OXTR: variants seen among roughly 807,000 people sequenced by gnomAD.
OXTR encodes oxytocin receptor.
A neutral mutation model predicts 23.9 loss-of-function variants in OXTR; 19 were observed. The ratio of observed to expected loss-of-function variants is 0.80; its 90% CI spans 0.56 to 1.17. The LOEUF is 1.17. Ranked by LOEUF, OXTR falls within the 50% of genes most tolerant of loss-of-function variation. The pLI is 0.00. For missense variants in OXTR, 500 were observed against 550.7 expected, an observed-to-expected ratio of 0.91 and a Z score of 0.92; for synonymous variants, 278 against 250.5, an observed-to-expected ratio of 1.11 and a Z score of -1.04.
chr3:8,748,478 G>A (rs17297971), downstream of OXTR, among the ~76,000 whole-genome samples: 25,184 of 152,114 alleles, frequency 0.17, 2,440 homozygotes, highest in Non-Finnish European at 0.23. Context: ...CATCTGTGCC[G>A]TAATCAGGCC....
Position 8,752,006 on chromosome 3 carries a change from T to C in OXTR, c.*971A>G, listed in dbSNP as rs1383301078. On this transcript the variant is annotated 3_prime_UTR_variant, in exon 4 of 4. Coordinates refer to ENST00000316793, the MANE Select transcript of OXTR (RefSeq NM_000916.4). ...CTGATCCATGAACACAGGATGTCTT[T>C]CCATTTATTTAAGCCTTCTTTAATT... 3 of 152,234 alleles carry C rather than the reference T, an allele frequency of 2.0e-5. No homozygotes were observed. Among genetic ancestry groups the C allele is most frequent in the Non-Finnish European group, 4.4e-5 (3 of 68,034 alleles). The allele number at this position is 152,234 out of a possible 1,614,324, so 9.4% of individuals were successfully genotyped here. A position where few individuals can be genotyped will look rare whatever the true frequency, so the allele number is the denominator to read the frequency against.
At chr3:8,743,688 C>A in the OXTR span, among the ~76,000 whole-genome samples, 1 of 152,138 alleles carries the variant, frequency 6.6e-6, no homozygotes, top group African/African-American at 2.4e-5. Flanking sequence ...AGCCTCAGAG[C>A]ACAGGGGGAT....
At chr3:8,766,169 C>T (rs1708602393) in intron 3 of OXTR, among the ~76,000 whole-genome samples, 1 of 152,154 alleles carries the variant, frequency 6.6e-6, no homozygotes, top group Admixed American at 6.5e-5. Context: ...TGCCTTCAAA[C>T]AAAAACTTAT....
intron 3 of OXTR, 83 bp downstream of exon 3, chr3:8,767,183 C>A (rs540238693): frequency 8.6e-5 from 117 of 1,355,988 alleles, no homozygotes; most frequent in Non-Finnish European, 1.1e-4. Flanking sequence ...AGTCCACAGA[C>A]CCCTGGACAT....
At chr3:8,761,869 A>T (rs940800295) in intron 3 of OXTR, among the ~76,000 whole-genome samples, 8 of 152,176 alleles carry the variant, frequency 5.3e-5, no homozygotes, top group African/African-American at 1.7e-4. Context: ...CCATCAAGAG[A>T]CATTGCCCCA....
rs144181977 is a variant in OXTR at position 8,757,631 on chromosome 3, G to A, written c.923-4407C>T. On this transcript the variant is annotated intron_variant, in intron 3 of 3. Transcript: ENST00000316793. ...CGCTGGAAGAGCCAGTTCTAATCAT[G>A]TGTCTCCCACTTTCCTGCCATAAAA... Among the ~76,000 whole-genome samples the A allele has an allele frequency of 4.6e-5, 7 of 152,230 alleles. No homozygotes were observed. In the East Asian group the frequency reaches 1.4e-3, roughly 30 times the overall value.
At chr3:8,755,091 T>C (rs1262492195) in intron 3 of OXTR, among the ~76,000 whole-genome samples, 1 of 152,194 alleles carries the variant, frequency 6.6e-6, no homozygotes. Context: ...GAAACTCTGA[T>C]GGAATATTTC....
chr3:8,742,646 T>A, the OXTR span: 8 of 415,226 alleles, frequency 1.9e-5, no homozygotes, highest in Middle Eastern at 3.5e-4. Flanking sequence ...ACCATCACAA[T>A]AGCCAGGCAT....
rs1708688211 is a variant in OXTR at position 8,768,371 on chromosome 3, C to T, written c.-142-42G>A. On this transcript the variant is annotated intron_variant, in intron 2 of 3. Transcript: ENST00000316793. This position sits in a 1 kb window ranked among gnomAD's most constrained non-coding sequence, Gnocchi z 5.4. ...GGGCCGTGAGGAGACCGCCGCGTTT[C>T]TCTTCCGACGCGGGTAGGGCGTGCT... 1.0e-6 allele frequency: 1 copy of T among 964,110 alleles called. No homozygotes were observed. The highest frequency in any genetic ancestry group is 1.3e-6 in the Non-Finnish European group (1 of 751,600). 59.7% of individuals were successfully genotyped at this position (964,110 alleles called of 1,614,324 possible).
intron 3 of OXTR, among the ~76,000 whole-genome samples, chr3:8,755,460 C>G (rs974837001): frequency 9.9e-5 from 15 of 152,250 alleles, no homozygotes; most frequent in Admixed American, 7.2e-4. Context: ...TGGTCTCACT[C>G]TTTACTCTTT....
At chr3:8,744,584 A>G in the OXTR span, among the ~76,000 whole-genome samples, 1 of 151,672 alleles carries the variant, frequency 6.6e-6, no homozygotes, top group South Asian at 2.1e-4. Flanking sequence ...TACAGACAAG[A>G]CAGCTGAGGC....
chr3:8,743,415 T>C, the OXTR span, among the ~76,000 whole-genome samples: 1 of 152,118 alleles, frequency 6.6e-6, no homozygotes, highest in Non-Finnish European at 1.5e-5. Flanking sequence ...CACCACCTCC[T>C]GGAAGCCCTC....
intron 3 of OXTR, among the ~76,000 whole-genome samples, chr3:8,766,035 G>A (rs1162637693): frequency 1.3e-5 from 2 of 152,242 alleles, no homozygotes; most frequent in Non-Finnish European, 1.5e-5. Flanking sequence ...ATTGGGAGCA[G>A]TAGTAACTGC....
chr3:8,760,807 T>C (rs1474135243), intron 3 of OXTR, among the ~76,000 whole-genome samples: 1 of 152,110 alleles, frequency 6.6e-6, no homozygotes, highest in Non-Finnish European at 1.5e-5. Flanking sequence ...TAGGAACTTG[T>C]GGAAAGCGGC....
chr3:8,754,941 T>C lies in OXTR; in HGVS notation c.923-1717A>G, dbSNP rs568249190. On this transcript the variant is annotated intron_variant, in intron 3 of 3. Transcript: ENST00000316793. Reference sequence around the variant, plus strand: ...CAAAGAATGGAAATTTAACTCTTAGTATTAAAATAATAAAGAATAGAAAGG... The same window carrying C: ...CAAAGAATGGAAATTTAACTCTTAGCATTAAAATAATAAAGAATAGAAAGG... Among the ~76,000 whole-genome samples the C allele has an allele frequency of 2.0e-5, 3 of 152,302 alleles. No homozygotes were observed. In the East Asian group the frequency reaches 5.8e-4, roughly 29 times the overall value.
At chr3:8,757,009 G>A (rs375125935) in intron 3 of OXTR, among the ~76,000 whole-genome samples, 4 of 152,248 alleles carry the variant, frequency 2.6e-5, no homozygotes, top group East Asian at 3.9e-4. Context: ...CACAGTGGGC[G>A]CCCCCTGGCC....
intron 3 of OXTR, among the ~76,000 whole-genome samples, chr3:8,764,557 G>T (rs1247824072): frequency 6.6e-6 from 1 of 152,178 alleles, no homozygotes; most frequent in Non-Finnish European, 1.5e-5. Context: ...GGATTGAGAG[G>T]TATCTCCAAA....
At chr3:8,754,711 C>T (rs1372953509) in intron 3 of OXTR, among the ~76,000 whole-genome samples, 1 of 152,162 alleles carries the variant, frequency 6.6e-6, no homozygotes, top group Non-Finnish European at 1.5e-5. Flanking sequence ...CAGAGCGACA[C>T]ATCACATGGG....
At position 8,767,550 on chromosome 3, in the gene OXTR, A is replaced by G; in HGVS notation, c.638T>C (p.Val213Ala). Residue 213 changes from valine (V) to alanine (A), a missense_variant, in exon 3 of 4, where the codon GTC (valine) becomes GCC (alanine). Coordinates refer to ENST00000316793, the MANE Select transcript of OXTR (RefSeq NM_000916.4). ...WITLAVYIVP[V>A]IVLAACYGLI... is the part of the protein sequence containing the mutation. ...GCCGTAGCAGGCAGCGAGCACGATG[A>G]CCGGCACGATGTAGACAGCTAGCGT... is the stretch of plus-strand genomic sequence containing the variant. The G allele has an allele frequency of 6.2e-7, 1 of 1,613,258 alleles. No individual in the cohort carries two copies. The highest frequency in any genetic ancestry group is 8.5e-7 in the Non-Finnish European group (1 of 1,179,694).
Sources: gnomAD v4.1 joint callset for allele counts (sites outside exome capture counted in the v4.1 genomes callset) on GRCh38, gnomAD v4.1.1 for gene constraint, Gnocchi (gnomAD v3.1) non-coding constraint, MANE v1.5 for transcripts, NCBI Gene and HGNC (gene_info 2026-07-23, HGNC 2026-07-21) for gene names.